The following SMURF1 variants were observed in gnomAD, a reference collection of about 807,000 sequenced individuals.
The protein encoded by SMURF1 is E3 ubiquitin-protein ligase SMURF1.
Under a neutral mutation model 98.0 loss-of-function variants are expected in SMURF1, and 44 were observed. That is an observed-to-expected ratio of 0.45 (90% CI 0.35 to 0.58). SMURF1 has a LOEUF of 0.58. Ranked by LOEUF, SMURF1 falls within the 20% of genes least tolerant of loss-of-function variation. The pLI is 0.00. For synonymous variants in SMURF1, 396 were observed against 374.9 expected (o/e 1.06, Z -0.65); for missense variants, 687 against 938.4 (o/e 0.73, Z 3.50).
intron 1 of SMURF1, 71 bp from the exon 2 acceptor site, chr7:99,061,908 C>A: frequency 8.8e-7 from 1 of 1,138,666 alleles, no homozygotes; most frequent in Non-Finnish European, 1.2e-6. Context: ...TCTATATTTA[C>A]ACCCGAACAA....
Position 99,029,573 on chromosome 7 carries a change from A to G in SMURF1, c.*1011T>C, listed in dbSNP as rs1794810569. ...GAACAGTATCTTTGGGTGGATTTAC[A>G]TCATCGAGGTTATCCTTTCACCATT... On this transcript the variant is annotated 3_prime_UTR_variant, in exon 18 of 18. Coordinates refer to ENST00000361368, the MANE Select transcript of SMURF1 (RefSeq NM_181349.3). The G allele has an allele frequency of 6.6e-6, 1 of 152,232 alleles. No homozygotes were observed. Among genetic ancestry groups the G allele is most frequent in the African/African-American group, 2.4e-5 (1 of 41,452 alleles). 9.4% of individuals were successfully genotyped at this position (152,232 alleles called of 1,614,324 possible).
intron 11 of SMURF1, among the ~76,000 whole-genome samples, chr7:99,043,582 C>T (rs982273561): frequency 3.3e-5 from 5 of 152,076 alleles, no homozygotes; most frequent in East Asian, 1.9e-4. Context: ...CCAGGGAGTC[C>T]GACAGCTGAG....
At chr7:99,080,551 G>A (rs550949789) in intron 1 of SMURF1, among the ~76,000 whole-genome samples, 6 of 152,134 alleles carry the variant, frequency 3.9e-5, no homozygotes, top group South Asian at 4.2e-4. Flanking sequence ...AGCCCACCTC[G>A]GCCTCCCAAA....
chr7:99,085,055 G>C (rs547236168), intron 1 of SMURF1, among the ~76,000 whole-genome samples: 1 of 152,174 alleles, frequency 6.6e-6, no homozygotes, highest in African/African-American at 2.4e-5. Flanking sequence ...CACCATGGTT[G>C]AAAGTTTCCT....
chr7:99,099,040 A>G (rs1266245034), intron 1 of SMURF1, among the ~76,000 whole-genome samples: 1 of 152,172 alleles, frequency 6.6e-6, no homozygotes, highest in Admixed American at 6.5e-5. Context: ...TAGAAAGAAC[A>G]TGTGTAAAGA....
rs1795901886 is a variant in SMURF1, at chr7:99,057,352, C to G, written c.337+66G>C. ...GGAATTCAGTATTCAGCGATCAAAACAAAAAACGATGCCTCCTAAGCTTTC... is the reference window on the plus strand; with the variant it reads ...GGAATTCAGTATTCAGCGATCAAAAGAAAAAACGATGCCTCCTAAGCTTTC... On this transcript the variant is annotated intron_variant, in intron 4 of 17. Coordinates refer to ENST00000361368, the MANE Select transcript of SMURF1 (RefSeq NM_181349.3). 3.7e-6 allele frequency: 6 copies of G among 1,607,822 alleles called. No homozygotes were observed. The South Asian group carries it at 5.6e-5, about 15-fold the overall frequency.
intron 1 of SMURF1, among the ~76,000 whole-genome samples, chr7:99,079,548 T>C (rs1796538891): frequency 6.6e-6 from 1 of 152,210 alleles, no homozygotes; most frequent in Non-Finnish European, 1.5e-5. Flanking sequence ...CATACTCGTT[T>C]CAAACACACA....
At chr7:99,095,686 G>C (rs1351096224) in intron 1 of SMURF1, among the ~76,000 whole-genome samples, 1 of 152,200 alleles carries the variant, frequency 6.6e-6, no homozygotes, top group Non-Finnish European at 1.5e-5. Flanking sequence ...GGTACTCGAA[G>C]TTAAATTTAA....
At chr7:99,120,270 T>G (rs919967624) in intron 1 of SMURF1, among the ~76,000 whole-genome samples, 2 of 152,230 alleles carry the variant, frequency 1.3e-5, no homozygotes, top group Admixed American at 1.3e-4. Flanking sequence ...CTCTTTTCTT[T>G]GTAAATTACT....
intron 1 of SMURF1, among the ~76,000 whole-genome samples, chr7:99,074,002 G>T (rs1257879716): frequency 6.6e-6 from 1 of 152,136 alleles, no homozygotes; most frequent in Non-Finnish European, 1.5e-5. Flanking sequence ...ATCACAAAAT[G>T]GAATACTATA....
intron 15 of SMURF1, 25 bp from the exon 16 acceptor site, chr7:99,035,741 T>TACTTCCAAAATGCATAAACCCACG (rs770136266): frequency 3.1e-6 from 5 of 1,609,948 alleles, no homozygotes; most frequent in Non-Finnish European, 4.2e-6. Flanking sequence ...AAAGGTGAAT[T>TACTTCCAAAATGCATAAACCCACG]ACTTCCAAAA....
chr7:99,040,380 G>C lies in SMURF1; in HGVS notation c.1548C>G (p.Ile516Met). Residue 516 changes from isoleucine to methionine, a missense_variant and splice_region_variant, in exon 13 of 18, where the codon ATC becomes ATG. Ile to Met is a conservative substitution (Grantham distance 10). This residue lies in a region of SMURF1 where 272 missense variants were observed against 430.0 expected (regional missense o/e 0.63). Transcript: ENST00000361368. ...ACCGGCCGTCAGTCAATACTTACAG[G>C]ATCCACACCAAGCTCTTATGCAGCT... is the stretch of plus-strand genomic sequence containing the variant. ...DPELHKSLVW[I>M]LENDITPVLD... The C allele has an allele frequency of 6.6e-7, 1 of 1,516,392 alleles. No homozygotes were observed. The highest frequency in any genetic ancestry group is 8.8e-7 in the Non-Finnish European group (1 of 1,130,224). The allele number at this position is 1,516,392 out of a possible 1,614,324, so 93.9% of individuals were successfully genotyped here.
At chr7:99,117,057 T>A (rs1476520485) in intron 1 of SMURF1, among the ~76,000 whole-genome samples, 2 of 132,378 alleles carry the variant, frequency 1.5e-5, no homozygotes, top group Non-Finnish European at 3.3e-5. Flanking sequence ...TTACAGTCAA[T>A]TTTTTTTTTC....
rs371859465 is a variant in SMURF1 at position 99,052,258 on chromosome 7, G to A, written c.668C>T (p.Thr223Met). The A allele has an allele frequency of 1.3e-4, 211 of 1,609,008 alleles. No homozygotes were observed. The highest frequency in any genetic ancestry group is 1.7e-4 in the Admixed American group (10 of 59,594). The part of the protein sequence containing the change: ...RNPDVRGSLQ[T>M]PQNRPHGHQS... Reference sequence around the variant, plus strand: ...GTGGCCGTGTGGTCGGTTCTGGGGCGTCTGTAGTGAACCTCGCACATCAGG... The same window carrying A: ...GTGGCCGTGTGGTCGGTTCTGGGGCATCTGTAGTGAACCTCGCACATCAGG... The change falls in exon 7 of 18, where the codon ACG becomes ATG. Residue 223 changes from threonine to methionine, a missense_variant. Around this residue, in one of 2 missense-constraint regions of SMURF1, gnomAD observed 415 missense variants for 508.4 expected, o/e 0.82. Transcript: ENST00000361368.
chr7:99,122,769 T>TA lies in SMURF1; in HGVS notation c.55+20956dup, dbSNP rs71515258. Among the ~76,000 whole-genome samples the TA allele has an allele frequency of 2.0e-3, 262 of 129,052 alleles. 58 individuals carry two copies. The Middle Eastern group carries it at 0.028, about 14-fold the overall frequency. 84.7% of individuals were successfully genotyped at this position (129,052 alleles called of 152,430 possible). A position where few individuals can be genotyped will look rare whatever the true frequency, so the allele number is the denominator to read the frequency against. On this transcript the variant is annotated intron_variant, in intron 1 of 17. Transcript: ENST00000361368. ...TCTTTTTTTTTTTTTTTTTTTTTTT[T>TA]ACATAATTAAAATTTCACATCACTT... is the stretch of plus-strand genomic sequence containing the variant.
chr7:99,132,418 C>T (rs942020035), intron 1 of SMURF1, among the ~76,000 whole-genome samples: 3 of 152,246 alleles, frequency 2.0e-5, no homozygotes, highest in African/African-American at 4.8e-5. Flanking sequence ...CCTAGCTTCA[C>T]GGAACTTGAC....
intron 1 of SMURF1, among the ~76,000 whole-genome samples, chr7:99,099,430 A>C (rs758935300): frequency 2.6e-5 from 4 of 152,156 alleles, no homozygotes; most frequent in Non-Finnish European, 4.4e-5. Flanking sequence ...TCTAAGAAGA[A>C]AATACCTAAT....
At chr7:99,143,516 G>C (rs369927887) in intron 1 of SMURF1, among the ~76,000 whole-genome samples, 5,816 of 136,268 alleles carry the variant, frequency 0.043, 150 homozygotes, top group Middle Eastern at 0.061. Flanking sequence ...ACGCGAGACC[G>C]AGGGGGCGCG....
chr7:99,137,600 C>T (rs1192603011), intron 1 of SMURF1, among the ~76,000 whole-genome samples: 1 of 152,228 alleles, frequency 6.6e-6, no homozygotes, highest in Non-Finnish European at 1.5e-5. Flanking sequence ...CTTAAAACAT[C>T]TGAAATGCAT....
Sources: gnomAD v4.1 joint callset for allele counts (sites outside exome capture counted in the v4.1 genomes callset) on GRCh38, gnomAD v4.1.1 for gene constraint, gnomAD v4.1.1 regional missense constraint, MANE v1.5 for transcripts, NCBI Gene and HGNC (gene_info 2026-07-23, HGNC 2026-07-21) for gene names.